The following WDR72 variants were observed in gnomAD, a reference collection of about 807,000 sequenced individuals.
The protein encoded by WDR72 is WD repeat domain 72.
Under a neutral mutation model 124.2 loss-of-function variants are expected in WDR72, and 120 were observed. That is an observed-to-expected ratio of 0.97 (90% CI 0.83 to 1.12). WDR72 has a LOEUF of 1.12. Ranked by LOEUF, WDR72 falls within the 50% of genes most tolerant of loss-of-function variation. The pLI is 0.00. For missense variants in WDR72, 1,387 were observed against 1,278.8 expected (o/e 1.08, Z -1.29); for synonymous variants, 452 against 441.7 (o/e 1.02, Z -0.29).
intron 18 of WDR72, among the ~76,000 whole-genome samples, chr15:53,571,566 C>T (rs1456210517): frequency 3.3e-5 from 5 of 152,024 alleles, no homozygotes; most frequent in Admixed American, 3.3e-4. Context: ...TTTTTAAAGG[C>T]CGAACAGTAT....
At position 53,712,622 on chromosome 15, in the gene WDR72, A is replaced by T. The variant is rs2017577390; in HGVS notation, c.711+150T>A. 1.6e-5 allele frequency: 13 copies of T among 818,868 alleles called. No individual in the cohort carries two copies. In the South Asian group the frequency reaches 2.2e-4, roughly 14 times the overall value. The allele number at this position is 818,868 out of a possible 1,614,324, so 50.7% of individuals were successfully genotyped here. ...CCCACCGCCAAAAAAAAAAACTGTT[A>T]CGTCAGTCATAAAAGACACATCATT... is the stretch of plus-strand genomic sequence containing the variant. On this transcript the variant is annotated intron_variant, in intron 7 of 19. Coordinates refer to ENST00000360509, the MANE Select transcript of WDR72 (RefSeq NM_182758.4).
At chr15:53,583,393 CTG>C (rs2012034374) in intron 18 of WDR72, among the ~76,000 whole-genome samples, 1 of 151,936 alleles carries the variant, frequency 6.6e-6, no homozygotes, top group Non-Finnish European at 1.5e-5. Context: ...CCTGAAATTG[CTG>C]TTTCTTCACA....
intron 18 of WDR72, among the ~76,000 whole-genome samples, chr15:53,525,448 C>T (rs1444792636): frequency 6.6e-6 from 1 of 151,956 alleles, no homozygotes; most frequent in Non-Finnish European, 1.5e-5. Flanking sequence ...TTAAAAAATT[C>T]CTCCATTCAT....
chr15:53,665,706 A>T lies in WDR72; in HGVS notation c.1828T>A (p.Ser610Thr). 2 of 1,613,932 alleles carry T rather than the reference A, an allele frequency of 1.2e-6. No homozygotes were observed. Among genetic ancestry groups the T allele is most frequent in the Non-Finnish European group, 1.7e-6 (2 of 1,179,888 alleles). Residue 610 changes from serine (S) to threonine (T), a missense_variant, in exon 14 of 20, where the codon TCA (serine) becomes ACA (threonine). Physicochemically the swap from Ser to Thr is moderately conservative, Grantham distance 58 (BLOSUM62 1). Coordinates refer to ENST00000360509, the MANE Select transcript of WDR72 (RefSeq NM_182758.4). ...GGAAGTACAGACTTCACAAGCTGTG[A>T]ATCATCACAACAATTAAGAATAATT... ...ARIILNCCDD[S>T]QLVKSVLPIA...
At chr15:53,756,071 C>T (rs1234804381) in intron 1 of WDR72, among the ~76,000 whole-genome samples, 1 of 152,148 alleles carries the variant, frequency 6.6e-6, no homozygotes, top group Non-Finnish European at 1.5e-5. Context: ...AAAATCATAT[C>T]AGCTTTCTGG....
chr15:53,601,040 C>T (rs1202106745), intron 17 of WDR72, among the ~76,000 whole-genome samples: 1 of 152,062 alleles, frequency 6.6e-6, no homozygotes, highest in Non-Finnish European at 1.5e-5. Flanking sequence ...TAATTTTGCT[C>T]TGTTTTACAA....
intron 14 of WDR72, among the ~76,000 whole-genome samples, chr15:53,657,888 C>T (rs1224697965): frequency 6.6e-6 from 1 of 152,116 alleles, no homozygotes; most frequent in Non-Finnish European, 1.5e-5. Flanking sequence ...ATATTATCAG[C>T]TTTATGAATT....
At chr15:53,687,049 C>T (rs1452336897) in intron 13 of WDR72, among the ~76,000 whole-genome samples, 13 of 150,934 alleles carry the variant, frequency 8.6e-5, no homozygotes, top group East Asian at 4.0e-4. Flanking sequence ...ATCTCTGGGA[C>T]GCATTCAAAG....
chr15:53,520,022 T>G (rs1891697119), intron 19 of WDR72, among the ~76,000 whole-genome samples: 3 of 152,150 alleles, frequency 2.0e-5, no homozygotes, highest in Admixed American at 2.0e-4. Context: ...TTTAAAACTC[T>G]ATCAACATCT....
rs1232027352 is a variant in WDR72 at position 53,665,659 on chromosome 15, C to T, written c.1875G>A (p.Lys625=). 6.2e-7 allele frequency: 1 copy of T among 1,613,880 alleles called. No individual in the cohort carries two copies. Among genetic ancestry groups the T allele is most frequent in the Admixed American group, 1.7e-5 (1 of 59,968 alleles). ...SVLPIASETL[K]HKSIEQRSSS... ...AGGATCTCTGTTCTATACTTTTGTGCTTAAGTGTCTCTGAGGCAATGGGAA... is the reference window on the plus strand; with the variant it reads ...AGGATCTCTGTTCTATACTTTTGTGTTTAAGTGTCTCTGAGGCAATGGGAA... Residue 625 remains lysine (K), a synonymous_variant, in exon 14 of 20, where the codon AAG becomes AAA. Coordinates refer to ENST00000360509, the MANE Select transcript of WDR72 (RefSeq NM_182758.4).
intron 14 of WDR72, among the ~76,000 whole-genome samples, chr15:53,633,364 TC>T (rs1328465124): frequency 1.3e-5 from 2 of 152,106 alleles, no homozygotes; most frequent in Non-Finnish European, 2.9e-5. Context: ...TTCTGAGGCC[TC>T]CCCAGAAGCA....
chr15:53,621,194 G>A (rs1330003673), intron 14 of WDR72, among the ~76,000 whole-genome samples: 1 of 151,932 alleles, frequency 6.6e-6, no homozygotes, highest in East Asian at 1.9e-4. Flanking sequence ...CTGCTGGTGG[G>A]AATGTAAACT....
intron 13 of WDR72, among the ~76,000 whole-genome samples, chr15:53,688,528 G>A (rs1394460344): frequency 1.3e-5 from 2 of 152,038 alleles, no homozygotes; most frequent in Non-Finnish European, 2.9e-5. Flanking sequence ...ACCTCTTCAA[G>A]GAGAACTACA....
chr15:53,532,014 A>T (rs369986796), intron 18 of WDR72, among the ~76,000 whole-genome samples: 1 of 152,232 alleles, frequency 6.6e-6, no homozygotes, highest in East Asian at 1.9e-4. Context: ...AAAGTTTGGG[A>T]AACATTTAGA....
chr15:53,678,753 A>C (rs991070033), intron 13 of WDR72, among the ~76,000 whole-genome samples: 2 of 151,978 alleles, frequency 1.3e-5, no homozygotes, highest in Non-Finnish European at 2.9e-5. Flanking sequence ...TCTATCCCCC[A>C]CCTCTCATAA....
chr15:53,730,006 C>G (rs1421888359), intron 2 of WDR72, among the ~76,000 whole-genome samples: 1 of 152,168 alleles, frequency 6.6e-6, no homozygotes, highest in Admixed American at 6.5e-5. Flanking sequence ...ACCAGCAATT[C>G]CACTTCTCAG....
At chr15:53,585,799 C>T (rs1427596095) in intron 18 of WDR72, among the ~76,000 whole-genome samples, 1 of 151,978 alleles carries the variant, frequency 6.6e-6, no homozygotes, top group Admixed American at 6.6e-5. Flanking sequence ...TGCTCCAACG[C>T]TGGGTCAGAT....
chr15:53,726,264 GTATATATA>G (rs34367324), intron 2 of WDR72, among the ~76,000 whole-genome samples: 1 of 110,356 alleles, frequency 9.1e-6, no homozygotes, highest in African/African-American at 4.6e-5. Context: ...ATGTATGTGT[GTATATATA>G]TATATATATA....
At chr15:53,620,084 T>A (rs1042702904) in intron 14 of WDR72, among the ~76,000 whole-genome samples, 5 of 152,020 alleles carry the variant, frequency 3.3e-5, no homozygotes, top group African/African-American at 1.2e-4. Flanking sequence ...AATCTTAAAA[T>A]GTTACAAACT....
Sources: gnomAD v4.1 joint callset for allele counts (sites outside exome capture counted in the v4.1 genomes callset) on GRCh38, gnomAD v4.1.1 for gene constraint, MANE v1.5 for transcripts, NCBI Gene and HGNC (gene_info 2026-07-23, HGNC 2026-07-21) for gene names.